Variants in PACRGL observed in about 807,000 individuals in gnomAD.
The protein encoded by PACRGL is parkin coregulated like, also known as PACRG-like protein.
A neutral mutation model predicts 34.5 loss-of-function variants in PACRGL; 38 were observed. That is an observed-to-expected ratio of 1.10 (90% CI 0.85 to 1.44). The LOEUF (loss-of-function observed/expected upper bound fraction) is 1.44, where lower values mean the gene tolerates loss of function less well. Ranked by LOEUF, PACRGL falls within the 40% of genes most tolerant of loss-of-function variation. The pLI, the probability that PACRGL is intolerant of heterozygous loss-of-function variation, is 0.00. For synonymous variants in PACRGL, 128 were observed against 100.1 expected (o/e 1.28, Z -1.66); for missense variants, 305 against 281.4 (o/e 1.08, Z -0.60).
At chr4:20,724,980 A>G in intron 8 of PACRGL, 92 bp downstream of exon 8, 5 of 664,398 alleles carry the variant, frequency 7.5e-6, no homozygotes, top group Non-Finnish European at 6.6e-6. Context: ...ATACTATCTC[A>G]TTTCAGCCAC....
chr4:20,720,312 G>A (rs1275931793), intron 7 of PACRGL, among the ~76,000 whole-genome samples: 3 of 152,152 alleles, frequency 2.0e-5, no homozygotes, highest in African/African-American at 7.2e-5. Context: ...TTTAATTGGA[G>A]CATTTAGCCC....
rs1236073473 is a variant in PACRGL, at chr4:20,732,466, T to A, written c.*5125T>A. ...CTTGTGAAACATGAGAACTGTTTAGTGTTGTATCTTGGATTTAGTGAATGT... is the reference window on the plus strand; with the variant it reads ...CTTGTGAAACATGAGAACTGTTTAGAGTTGTATCTTGGATTTAGTGAATGT... On this transcript the variant is annotated 3_prime_UTR_variant, in exon 9 of 9. Transcript: ENST00000503585. Among the ~76,000 whole-genome samples, 3 of 152,166 alleles carry A rather than the reference T, an allele frequency of 2.0e-5. No individual in the cohort carries two copies. Among genetic ancestry groups the A allele is most frequent in the Non-Finnish European group, 4.4e-5 (3 of 68,038 alleles).
At chr4:20,741,203 G>T (rs569835178) in intron 8 of PACRGL, among the ~76,000 whole-genome samples, 1 of 152,254 alleles carries the variant, frequency 6.6e-6, no homozygotes, top group Non-Finnish European at 1.5e-5. Context: ...CTTGAACTCA[G>T]CTCTGCAGCA....
Position 20,732,534 on chromosome 4 carries a change from C to A in PACRGL, c.*5193C>A. ...CAGCATTGTAAATTCAAAACCAAAG[C>A]TATTAAATTAATAGGATGCTAAATA... On this transcript the variant is annotated 3_prime_UTR_variant, in exon 9 of 9. Coordinates refer to ENST00000503585, the MANE Select transcript of PACRGL (RefSeq NM_001258345.3). 1 of 656,674 alleles carries A rather than the reference C, an allele frequency of 1.5e-6. No homozygotes were observed. Among genetic ancestry groups the A allele is most frequent in the Non-Finnish European group, 2.7e-6 (1 of 369,820 alleles). The allele number at this position is 656,674 out of a possible 1,614,324, so 40.7% of individuals were successfully genotyped here.
At chr4:20,762,557 G>A in the PACRGL span, among the ~76,000 whole-genome samples, 1 of 152,258 alleles carries the variant, frequency 6.6e-6, no homozygotes, top group African/African-American at 2.4e-5. Flanking sequence ...CACCTCTTCT[G>A]TGCAGTGATC....
At chr4:20,738,852 T>C (rs908505718) in intron 8 of PACRGL, among the ~76,000 whole-genome samples, 5 of 152,166 alleles carry the variant, frequency 3.3e-5, no homozygotes, top group Admixed American at 2.6e-4. Flanking sequence ...AGGGAAGCTG[T>C]GACAGATGGT....
intron 2 of PACRGL, 36 bp from the exon 3 acceptor site, chr4:20,704,624 G>A (rs1733713288): frequency 1.2e-6 from 2 of 1,613,588 alleles, no homozygotes; most frequent in Admixed American, 1.7e-5. Flanking sequence ...TTTATTGCTT[G>A]TACCTGGTTT....
rs1747569342 is a variant in PACRGL at position 20,730,013 on chromosome 4, G to A, written c.*2672G>A. On this transcript the variant is annotated 3_prime_UTR_variant, in exon 9 of 9. Coordinates refer to ENST00000503585, the MANE Select transcript of PACRGL (RefSeq NM_001258345.3). Reference sequence around the variant, plus strand: ...AGCTGAGCAATCTATGCTAAAAGTGGTAGCTCCAACTTTAAGGGTGGTAGA... The same window carrying A: ...AGCTGAGCAATCTATGCTAAAAGTGATAGCTCCAACTTTAAGGGTGGTAGA... The A allele has an allele frequency of 4.6e-6, 7 of 1,531,814 alleles. No individual in the cohort carries two copies. The highest frequency in any genetic ancestry group is 1.3e-5 in the South Asian group (1 of 76,884). The allele number at this position is 1,531,814 out of a possible 1,614,324, so 94.9% of individuals were successfully genotyped here. A position where few individuals can be genotyped will look rare whatever the true frequency, so the allele number is the denominator to read the frequency against.
rs1384180294 is a variant in PACRGL at position 20,727,703 on chromosome 4, A to C, written c.*362A>C. 1.7e-5 allele frequency: 3 copies of C among 173,346 alleles called. No individual in the cohort carries two copies. The highest frequency in any genetic ancestry group is 6.0e-5 in the Admixed American group (1 of 16,732). 10.7% of individuals were successfully genotyped at this position (173,346 alleles called of 1,614,324 possible). ...TGTAGCTGTGCCCTTATTTTTATAG[A>C]TAGTTTGCCATTTCTTGGGTTTAAT... On this transcript the variant is annotated 3_prime_UTR_variant, in exon 9 of 9. Coordinates refer to ENST00000503585, the MANE Select transcript of PACRGL (RefSeq NM_001258345.3).
the PACRGL span, among the ~76,000 whole-genome samples, chr4:20,765,386 G>A: frequency 1.3e-5 from 2 of 152,178 alleles, no homozygotes; most frequent in African/African-American, 2.4e-5. Flanking sequence ...TCACAGCTGC[G>A]TTGGAGAGAG....
At chr4:20,745,151 A>G (rs1010057441) in intron 8 of PACRGL, among the ~76,000 whole-genome samples, 5 of 152,016 alleles carry the variant, frequency 3.3e-5, no homozygotes, top group Middle Eastern at 3.4e-3. Context: ...ACAGGGTCCC[A>G]CCCTTAGGTT....
Position 20,731,580 on chromosome 4 carries a change from C to T in PACRGL, c.*4239C>T, listed in dbSNP as rs1560402752. Reference sequence around the variant, plus strand: ...CATACACTAAAACAATGACTTTTCTCTTAGAAATCAGATAGAAGCTTGGCC... The same window carrying T: ...CATACACTAAAACAATGACTTTTCTTTTAGAAATCAGATAGAAGCTTGGCC... On this transcript the variant is annotated 3_prime_UTR_variant, in exon 9 of 9. Transcript: ENST00000503585. 1.0e-6 allele frequency: 1 copy of T among 985,352 alleles called. No individual in the cohort carries two copies. The highest frequency in any genetic ancestry group is 1.7e-5 in the African/African-American group (1 of 57,334). 61.0% of individuals were successfully genotyped at this position (985,352 alleles called of 1,614,324 possible).
At chr4:20,754,005 C>T (rs1477387101), downstream of PACRGL, among the ~76,000 whole-genome samples, 1 of 152,106 alleles carries the variant, frequency 6.6e-6, no homozygotes, top group Non-Finnish European at 1.5e-5. Context: ...GCAGGAATAG[C>T]CCAGGAAACT....
rs1009407233 is a variant in PACRGL at position 20,700,578 on chromosome 4, G to C, written c.-226G>C. 6.6e-6 allele frequency: 1 copy of C among 152,108 alleles called. No individual in the cohort carries two copies. The highest frequency in any genetic ancestry group is 1.5e-5 in the Non-Finnish European group (1 of 68,048). The allele number at this position is 152,108 out of a possible 1,614,324, so 9.4% of individuals were successfully genotyped here. A position where few individuals can be genotyped will look rare whatever the true frequency, so the allele number is the denominator to read the frequency against. On this transcript the variant is annotated 5_prime_UTR_variant, in exon 1 of 9. Coordinates refer to ENST00000503585, the MANE Select transcript of PACRGL (RefSeq NM_001258345.3). Reference sequence around the variant, plus strand: ...GCGGATCGCGGCGGGAGAGAGGCGCGGTAGGAACGGGTCCCCGGAGCCGTG... The same window carrying C: ...GCGGATCGCGGCGGGAGAGAGGCGCCGTAGGAACGGGTCCCCGGAGCCGTG...
chr4:20,723,988 TG>T (rs149784008), intron 7 of PACRGL, among the ~76,000 whole-genome samples: 1,928 of 152,278 alleles, frequency 0.013, 37 homozygotes, highest in African/African-American at 0.045. Flanking sequence ...TTCATTTTTA[TG>T]GGGTTTATAG....
intron 8 of PACRGL, among the ~76,000 whole-genome samples, chr4:20,748,836 A>T (rs1296286292): frequency 2.0e-5 from 3 of 149,522 alleles, no homozygotes; most frequent in Admixed American, 6.7e-5. Context: ...ACAATTTATG[A>T]TCTGCTATTT....
At chr4:20,718,148 A>G (rs1156429505) in intron 7 of PACRGL, among the ~76,000 whole-genome samples, 2 of 152,128 alleles carry the variant, frequency 1.3e-5, no homozygotes, top group African/African-American at 4.8e-5. Context: ...TTATTGGTGT[A>G]TAAGAATGCT....
chr4:20,723,220 G>T (rs980504875), intron 7 of PACRGL, among the ~76,000 whole-genome samples: 1 of 152,164 alleles, frequency 6.6e-6, no homozygotes, highest in African/African-American at 2.4e-5. Flanking sequence ...TAAGCTTCAT[G>T]TCAGGGGGTG....
intron 4 of PACRGL, among the ~76,000 whole-genome samples, 163 bp downstream of exon 4, chr4:20,708,033 G>A (rs1380671194): frequency 6.6e-6 from 1 of 152,178 alleles, no homozygotes; most frequent in Non-Finnish European, 1.5e-5. Flanking sequence ...ATTCCTGGAT[G>A]TTGTTGAAGA....
Sources: allele counts gnomAD v4.1 joint callset (sites outside exome capture counted in the v4.1 genomes callset), GRCh38; gene constraint gnomAD v4.1.1; transcripts MANE v1.5; gene names NCBI Gene and HGNC (gene_info 2026-07-23, HGNC 2026-07-21).